Variants in IL1RAP observed in about 807,000 individuals in gnomAD.
IL1RAP encodes the protein interleukin 1 receptor accessory protein.
IL1RAP carries 35 observed loss-of-function variants against 60.7 expected under a neutral mutation model. That is an observed-to-expected ratio of 0.58 (90% confidence interval 0.44 to 0.76). IL1RAP has a LOEUF of 0.76. Ranked by LOEUF, IL1RAP falls within the 30% of genes least tolerant of loss-of-function variation. The pLI is 0.00. For synonymous variants in IL1RAP, 268 were observed against 250.9 expected, an observed-to-expected ratio of 1.07 and a Z score of -0.64; for missense variants, 572 against 693.9, an observed-to-expected ratio of 0.82 and a Z score of 1.97.
At chr3:190,581,281 TCA>T (rs1349410294) in intron 3 of IL1RAP, among the ~76,000 whole-genome samples, 7 of 152,242 alleles carry the variant, frequency 4.6e-5, no homozygotes, top group Admixed American at 2.0e-4. Flanking sequence ...GCTGATAGTA[TCA>T]GCCCTGCATA....
chr3:190,587,717 C>T (rs533870805), intron 3 of IL1RAP, among the ~76,000 whole-genome samples: 16 of 152,134 alleles, frequency 1.1e-4, no homozygotes, highest in South Asian at 6.2e-4. Flanking sequence ...TCAAATTGGG[C>T]GGAGTGTTTG....
rs140339722 is a variant in IL1RAP at position 190,590,241 on chromosome 3, C to G, written c.65-13887C>G. Among the ~76,000 whole-genome samples, 4 of 151,892 alleles carry G rather than the reference C, an allele frequency of 2.6e-5. No individual in the cohort carries two copies. In the East Asian group the frequency reaches 7.8e-4, roughly 29 times the overall value. ...CTGTTACCTATGTGGCAACTGTGGA[C>G]AGGATTCTTCTTCTTCTTTTTTTTT... On this transcript the variant is annotated intron_variant, in intron 3 of 11. Transcript: ENST00000447382.
At chr3:190,560,157 G>A (rs956357584) in intron 2 of IL1RAP, among the ~76,000 whole-genome samples, 1 of 152,132 alleles carries the variant, frequency 6.6e-6, no homozygotes, top group African/African-American at 2.4e-5. Context: ...TTGTATCTTA[G>A]GTAACCACAG....
chr3:190,608,717 A>C (rs1730567517), intron 4 of IL1RAP, among the ~76,000 whole-genome samples: 1 of 152,198 alleles, frequency 6.6e-6, no homozygotes, highest in Non-Finnish European at 1.5e-5. Flanking sequence ...ATCGTGTGAC[A>C]CATGACTATT....
In IL1RAP at chr3:190,645,744, A is replaced by C; in HGVS notation, c.1247A>C (p.Glu416Ala). ...DIYVSYARNA[E>A]EEEFVLLTLR... is the part of the protein sequence containing the mutation. Reference sequence around the variant, plus strand: ...TATGTATCCTATGCAAGGAATGCGGAAGAAGAAGAATTTGTATTACTGACC... The same window carrying C: ...TATGTATCCTATGCAAGGAATGCGGCAGAAGAAGAATTTGTATTACTGACC... Residue 416 changes from glutamate (E) to alanine (A), a missense_variant, in exon 11 of 12, where the codon GAA (glutamate) becomes GCA (alanine). Transcript: ENST00000447382. 6.2e-7 allele frequency: 1 copy of C among 1,612,594 alleles called. No homozygotes were observed. The highest frequency in any genetic ancestry group is 8.5e-7 in the Non-Finnish European group (1 of 1,178,630).
intron 6 of IL1RAP, 140 bp downstream of exon 6, chr3:190,620,580 C>G: frequency 1.6e-6 from 1 of 644,474 alleles, no homozygotes. Context: ...GTCTCTAGAG[C>G]CTTCAACAAT....
intron 1 of IL1RAP, chr3:190,555,779 A>G (rs1336975579): frequency 6.6e-6 from 1 of 152,206 alleles, no homozygotes; most frequent in Non-Finnish European, 1.5e-5. Flanking sequence ...AGCATGATAC[A>G]TATTTGCTGA....
At chr3:190,622,592 C>T (rs143207452) in intron 6 of IL1RAP, among the ~76,000 whole-genome samples, 3 of 152,196 alleles carry the variant, frequency 2.0e-5, no homozygotes, top group African/African-American at 7.2e-5. Context: ...TTTGGTATAA[C>T]TGCTCACAAA....
Position 190,649,727 on chromosome 3 carries a change from G to A in IL1RAP, c.*1022G>A, listed in dbSNP as rs566711565. The A allele has an allele frequency of 1.0e-6, 1 of 985,690 alleles. No homozygotes were observed. 61.1% of individuals were successfully genotyped at this position (985,690 alleles called of 1,614,324 possible). A position where few individuals can be genotyped will look rare whatever the true frequency, so the allele number is the denominator to read the frequency against. On this transcript the variant is annotated 3_prime_UTR_variant, in exon 12 of 12. Transcript: ENST00000447382. ...TTAGTGGCCTTGAGAGTTGCTTTTG[G>A]CATTAATATTCTAAGAGAATTAACT...
chr3:190,631,360 C>T (rs547848233), intron 9 of IL1RAP, among the ~76,000 whole-genome samples: 2 of 152,250 alleles, frequency 1.3e-5, no homozygotes, highest in South Asian at 4.1e-4. Flanking sequence ...GAGTAGCTCC[C>T]CTTTTACAGA....
intron 3 of IL1RAP, among the ~76,000 whole-genome samples, chr3:190,572,317 C>G (rs1480840335): frequency 6.6e-6 from 1 of 152,008 alleles, no homozygotes; most frequent in Non-Finnish European, 1.5e-5. Context: ...TCTTATATGA[C>G]AGATATTTTG....
At chr3:190,622,096 A>T (rs1337021258) in intron 6 of IL1RAP, among the ~76,000 whole-genome samples, 2 of 152,150 alleles carry the variant, frequency 1.3e-5, no homozygotes, top group Non-Finnish European at 2.9e-5. Flanking sequence ...CAGCTTCCAT[A>T]CTAGACACTT....
intron 2 of IL1RAP, among the ~76,000 whole-genome samples, chr3:190,561,901 T>C (rs1725916563): frequency 6.6e-6 from 1 of 152,210 alleles, no homozygotes; most frequent in Non-Finnish European, 1.5e-5. Flanking sequence ...CAGCCATCTA[T>C]CTAATACGCG....
In IL1RAP at chr3:190,649,653, T is replaced by A; in HGVS notation, c.*948T>A. ...CTAATGTGAATACTGGGAAAGTGATTTTTTCTCACTCGTTTTTGTTGCTCC... is the reference window on the plus strand; with the variant it reads ...CTAATGTGAATACTGGGAAAGTGATATTTTCTCACTCGTTTTTGTTGCTCC... On this transcript the variant is annotated 3_prime_UTR_variant, in exon 12 of 12. Transcript: ENST00000447382. The A allele has an allele frequency of 1.0e-6, 1 of 985,872 alleles. No individual in the cohort carries two copies. The highest frequency in any genetic ancestry group is 1.2e-6 in the Non-Finnish European group (1 of 829,928). The allele number at this position is 985,872 out of a possible 1,614,324, so 61.1% of individuals were successfully genotyped here.
At chr3:190,539,086 T>A (rs373290711) in intron 1 of IL1RAP, among the ~76,000 whole-genome samples, 4 of 151,994 alleles carry the variant, frequency 2.6e-5, no homozygotes, top group African/African-American at 9.7e-5. Context: ...TTTCCTCCTC[T>A]CACCTCTTTG....
downstream of IL1RAP, among the ~76,000 whole-genome samples, chr3:190,652,423 C>A (rs1317845265): frequency 1.3e-5 from 2 of 151,136 alleles, no homozygotes; most frequent in African/African-American, 2.4e-5. Context: ...GATTGCACCA[C>A]TGGACTCCAG....
intron 3 of IL1RAP, among the ~76,000 whole-genome samples, chr3:190,566,524 A>G (rs1726416202): frequency 6.6e-6 from 1 of 152,078 alleles, no homozygotes; most frequent in Admixed American, 6.6e-5. Flanking sequence ...TTGGTAAGAG[A>G]GCTTTCTATC....
chr3:190,525,153 T>C (rs1300681562), intron 1 of IL1RAP, among the ~76,000 whole-genome samples: 1 of 152,114 alleles, frequency 6.6e-6, no homozygotes, highest in Non-Finnish European at 1.5e-5. Context: ...TATGTACATA[T>C]GAGTCAAGAG....
At chr3:190,552,034 T>C (rs1447390110) in intron 1 of IL1RAP, among the ~76,000 whole-genome samples, 1 of 152,212 alleles carries the variant, frequency 6.6e-6, no homozygotes, top group East Asian at 1.9e-4. Flanking sequence ...TAATCCTGTT[T>C]ACCTCTCTTT....
Sources: allele counts gnomAD v4.1 joint callset (sites outside exome capture counted in the v4.1 genomes callset), GRCh38; gene constraint gnomAD v4.1.1; transcripts MANE v1.5; gene names NCBI Gene and HGNC (gene_info 2026-07-23, HGNC 2026-07-21).